The following CFAP263 variants were observed in gnomAD, a reference collection of about 807,000 sequenced individuals.
The protein encoded by CFAP263 is cilia- and flagella-associated protein 263.
At chr16:58,264,687 T>C in the CFAP263 span, among the ~76,000 whole-genome samples, 1 of 152,136 alleles carries the variant, frequency 6.6e-6, no homozygotes, top group East Asian at 1.9e-4. Context: ...TAGCCAATAT[T>C]GTCGAATGAA....
chr16:58,252,923 T>C, the CFAP263 span: 1 of 1,503,308 alleles, frequency 6.7e-7, no homozygotes, highest in Admixed American at 1.7e-5. Flanking sequence ...TTTGTTTATC[T>C]GCCTTTGGTG....
chr16:58,279,849 C>T, the CFAP263 span: 2 of 1,194,398 alleles, frequency 1.7e-6, no homozygotes, highest in Non-Finnish European at 1.2e-6. Context: ...TAGTCACGGG[C>T]TCCTCTCACT....
the CFAP263 span, chr16:58,281,316 G>A: frequency 1.9e-5 from 3 of 157,606 alleles, no homozygotes; most frequent in African/African-American, 7.2e-5. Context: ...CTAGATATGG[G>A]ACCCTGGCAA....
the CFAP263 span, among the ~76,000 whole-genome samples, chr16:58,272,305 C>A: frequency 6.6e-6 from 1 of 152,082 alleles, no homozygotes; most frequent in Non-Finnish European, 1.5e-5. Context: ...CGTGAGCCAC[C>A]GCACCCGGCC....
the CFAP263 span, among the ~76,000 whole-genome samples, chr16:58,267,279 G>T: frequency 6.6e-6 from 1 of 152,094 alleles, no homozygotes; most frequent in Non-Finnish European, 1.5e-5. Context: ...CTCTCCAGCT[G>T]AGGCCAAGAC....
the CFAP263 span, among the ~76,000 whole-genome samples, chr16:58,258,168 T>C: frequency 1.3e-5 from 2 of 152,070 alleles, no homozygotes; most frequent in African/African-American, 4.8e-5. Context: ...TCTCTTTTTA[T>C]GGATTCTATT....
the CFAP263 span, among the ~76,000 whole-genome samples, chr16:58,261,027 A>G: frequency 1.3e-5 from 2 of 151,964 alleles, no homozygotes; most frequent in South Asian, 2.1e-4. Flanking sequence ...GCCTTTCTCT[A>G]CTCTGTCTGA....
chr16:58,279,599 ATTCT>A, the CFAP263 span: 11 of 1,060,408 alleles, frequency 1.0e-5, no homozygotes, highest in Non-Finnish European at 1.5e-5. Flanking sequence ...TGAGGGCTGC[ATTCT>A]CAGTAGCCAC....
At chr16:58,266,651 C>T in the CFAP263 span, among the ~76,000 whole-genome samples, 1 of 151,780 alleles carries the variant, frequency 6.6e-6, no homozygotes, top group Non-Finnish European at 1.5e-5. Flanking sequence ...GAGCAAGCTC[C>T]CCAAATCACT....
chr16:58,253,049 G>A, the CFAP263 span, among the ~76,000 whole-genome samples: 1 of 152,146 alleles, frequency 6.6e-6, no homozygotes, highest in Non-Finnish European at 1.5e-5. Context: ...TCAGTTAATA[G>A]TGGATTGACT....
chr16:58,258,688 T>C, the CFAP263 span, among the ~76,000 whole-genome samples: 2 of 152,280 alleles, frequency 1.3e-5, no homozygotes, highest in East Asian at 1.9e-4. Flanking sequence ...ATGCATGTTT[T>C]AAAATGTATG....
the CFAP263 span, chr16:58,280,429 C>G: frequency 6.2e-7 from 1 of 1,613,984 alleles, no homozygotes; most frequent in Non-Finnish European, 8.5e-7. Flanking sequence ...ATCTCTAGAG[C>G]TGTTTCCTAG....
At chr16:58,272,987 G>GT in the CFAP263 span, among the ~76,000 whole-genome samples, 2 of 151,728 alleles carry the variant, frequency 1.3e-5, no homozygotes, top group South Asian at 2.1e-4. Context: ...TGAGTGGCAG[G>GT]TTTTTTTTCT....
the CFAP263 span, chr16:58,250,275 A>C: frequency 1.8e-6 from 1 of 545,672 alleles, no homozygotes; most frequent in Non-Finnish European, 3.2e-6. Context: ...CTGAGCCAAC[A>C]AGCTGTTGGT....
chr16:58,280,706 C>A, the CFAP263 span: 1 of 1,613,924 alleles, frequency 6.2e-7, no homozygotes, highest in Non-Finnish European at 8.5e-7. Flanking sequence ...CCTCTCAGAA[C>A]CCACAGATCG....
At chr16:58,250,261 A>G in the CFAP263 span, 4 of 555,162 alleles carry the variant, frequency 7.2e-6, no homozygotes, top group East Asian at 3.3e-5. Flanking sequence ...TTACTCCACC[A>G]CCACTGAGCC....
At chr16:58,258,329 G>C in the CFAP263 span, 2 of 1,598,802 alleles carry the variant, frequency 1.3e-6, no homozygotes, top group Non-Finnish European at 1.7e-6. Flanking sequence ...CTTGAAGATT[G>C]CTGGAAACGT....
chr16:58,254,165 C>T, the CFAP263 span: 4 of 1,614,106 alleles, frequency 2.5e-6, no homozygotes, highest in Non-Finnish European at 3.4e-6. Flanking sequence ...ACGAGGTACA[C>T]CTTCCTGCCA....
At chr16:58,254,609 CTT>C in the CFAP263 span, among the ~76,000 whole-genome samples, 4 of 144,878 alleles carry the variant, frequency 2.8e-5, no homozygotes, top group Non-Finnish European at 3.0e-5. Context: ...ACAGTAATTT[CTT>C]TTTTTTTTTT....
Sources: allele counts gnomAD v4.1 joint callset (sites outside exome capture counted in the v4.1 genomes callset), GRCh38; gene constraint gnomAD v4.1.1; transcripts MANE v1.5; gene names NCBI Gene and HGNC (gene_info 2026-07-23, HGNC 2026-07-21).